AGBL1: variants seen among roughly 807,000 people sequenced by gnomAD.
The protein encoded by AGBL1 is cytosolic carboxypeptidase 4.
Under a neutral mutation model 118.9 loss-of-function variants are expected in AGBL1, and 130 were observed. The observed-to-expected ratio is 1.09, with a 90% CI of 0.95 to 1.26. AGBL1 has a LOEUF of 1.26. AGBL1 is among the 50% of genes most tolerant of loss of function. The pLI, the probability that AGBL1 is intolerant of heterozygous loss-of-function variation, is 0.00. For missense variants in AGBL1, 1,584 were observed against 1,298.1 expected (o/e 1.22, Z -3.38); for synonymous variants, 555 against 478.9 (o/e 1.16, Z -2.08).
In AGBL1 at chr15:86,870,825, C is replaced by A. The variant is rs560457770; in HGVS notation, c.3159-36262C>A. ...ATCATATGTACTGAGATTACTATTT[C>A]ATCAAAGATGATATTGGATCTGATC... On this transcript the variant is annotated intron_variant, in intron 22 of 22. Transcript: ENST00000614907. Among the ~76,000 whole-genome samples the A allele has an allele frequency of 2.7e-4, 41 of 152,254 alleles. No homozygotes were observed. In the South Asian group the frequency reaches 8.3e-3, roughly 31 times the overall value.
intron 1 of AGBL1, among the ~76,000 whole-genome samples, chr15:86,131,904 G>C (rs747417083): frequency 4.0e-5 from 6 of 150,120 alleles, no homozygotes; most frequent in Non-Finnish European, 8.9e-5. Flanking sequence ...GCTTCGGTGA[G>C]TTGTGATCCT....
At position 86,953,948 on chromosome 15, in the gene AGBL1, G is replaced by GA. The variant is rs2080904924; in HGVS notation, c.3222-34037dup. On this transcript the variant is annotated intron_variant, in intron 23 of 24. Coordinates refer to the AGBL1 transcript ENST00000441037. ...TGCTGGATCACTCTGGCTAAAAAAA[G>GA]AAGATGGACAAGCAGCCAACAAACA... 2.6e-5 allele frequency among the ~76,000 whole-genome samples: 4 copies of GA among 152,034 alleles called. No homozygotes were observed. In the South Asian group the frequency reaches 8.3e-4, roughly 32 times the overall value.
chr15:86,316,964 TG>T (rs940362701), intron 17 of AGBL1: 2 of 152,274 alleles, frequency 1.3e-5, no homozygotes, highest in African/African-American at 4.8e-5. Context: ...AAGCTTGAAC[TG>T]GGACTTTCAG....
At chr15:86,103,726 G>A (rs1048120934) in intron 1 of AGBL1, among the ~76,000 whole-genome samples, 2 of 152,202 alleles carry the variant, frequency 1.3e-5, no homozygotes, top group African/African-American at 4.8e-5. Flanking sequence ...CCAATCCTCA[G>A]GCCCCAGTGA....
intron 17 of AGBL1, among the ~76,000 whole-genome samples, chr15:86,392,834 T>C (rs1038721011): frequency 3.3e-5 from 5 of 152,180 alleles, no homozygotes; most frequent in Admixed American, 6.6e-5. Context: ...ATTTTATTAA[T>C]TGCAGAAAAA....
At chr15:86,882,190 G>C (rs1596587375) in intron 22 of AGBL1, among the ~76,000 whole-genome samples, 1 of 152,060 alleles carries the variant, frequency 6.6e-6, no homozygotes, top group East Asian at 1.9e-4. Context: ...TCATGACAAT[G>C]GTTTTTTGAG....
intron 17 of AGBL1, among the ~76,000 whole-genome samples, chr15:86,330,953 C>A (rs900826927): frequency 6.6e-6 from 1 of 152,050 alleles, no homozygotes; most frequent in African/African-American, 2.4e-5. Context: ...AGGGAAGATG[C>A]GGTAGCTCAT....
At chr15:86,080,935 G>GTT (rs769059142) in intron 1 of AGBL1, among the ~76,000 whole-genome samples, 1 of 151,410 alleles carries the variant, frequency 6.6e-6, no homozygotes, top group East Asian at 2.0e-4. Context: ...GGGCTTGTGG[G>GTT]GGCGGGGGGG....
chr15:86,642,758 G>A (rs984704023), intron 21 of AGBL1, among the ~76,000 whole-genome samples: 5 of 151,968 alleles, frequency 3.3e-5, no homozygotes, highest in South Asian at 2.1e-4. Flanking sequence ...ATCTATGTTC[G>A]CAATTTCATT....
intron 8 of AGBL1, among the ~76,000 whole-genome samples, chr15:86,257,371 G>C (rs192311706): frequency 1.4e-4 from 22 of 152,240 alleles, no homozygotes; most frequent in African/African-American, 5.1e-4. Flanking sequence ...TTGCCCTAAG[G>C]ATGAAATTGA....
At chr15:86,896,739 G>T (rs756748235) in intron 22 of AGBL1, among the ~76,000 whole-genome samples, 1 of 151,716 alleles carries the variant, frequency 6.6e-6, no homozygotes, top group Non-Finnish European at 1.5e-5. Flanking sequence ...ATTAGTTATA[G>T]CATCACCTTT....
chr15:86,993,524 G>A (rs535161525), intron 24 of AGBL1, among the ~76,000 whole-genome samples: 7 of 152,282 alleles, frequency 4.6e-5, no homozygotes, highest in East Asian at 1.9e-4. Context: ...TATGGGTGGG[G>A]TAGTCACTGG....
intron 22 of AGBL1, among the ~76,000 whole-genome samples, chr15:86,786,448 A>G (rs2078414263): frequency 6.6e-6 from 1 of 152,196 alleles, no homozygotes; most frequent in Non-Finnish European, 1.5e-5. Flanking sequence ...ATTAATTTTA[A>G]TAAAATATTT....
intron 22 of AGBL1, among the ~76,000 whole-genome samples, chr15:86,763,656 T>C (rs28458458): frequency 0.016 from 2,498 of 152,116 alleles, 69 homozygotes; most frequent in African/African-American, 0.057. Flanking sequence ...CCAAGATTAT[T>C]GTCACTTGTC....
At chr15:86,729,413 T>C (rs534454034) in intron 22 of AGBL1, among the ~76,000 whole-genome samples, 1 of 152,204 alleles carries the variant, frequency 6.6e-6, no homozygotes, top group East Asian at 1.9e-4. Context: ...CAATGGGTAG[T>C]TTTTCAACCT....
intron 18 of AGBL1, among the ~76,000 whole-genome samples, chr15:86,465,953 G>A (rs2082400281): frequency 6.6e-6 from 1 of 152,094 alleles, no homozygotes; most frequent in Non-Finnish European, 1.5e-5. Context: ...TTTGAAAATT[G>A]CTAATAAAAC....
intron 5 of AGBL1, among the ~76,000 whole-genome samples, chr15:86,204,299 C>T: frequency 6.6e-6 from 1 of 152,212 alleles, no homozygotes; most frequent in East Asian, 1.9e-4. Flanking sequence ...TTCCAGCTCA[C>T]TCCTGGTATT....
chr15:86,305,940 C>T (rs1352696171), intron 17 of AGBL1, among the ~76,000 whole-genome samples: 1 of 152,008 alleles, frequency 6.6e-6, no homozygotes, highest in Non-Finnish European at 1.5e-5. Context: ...TCTTCCATGG[C>T]TCAGTCAACA....
At chr15:86,869,508 C>A (rs80267578) in intron 22 of AGBL1, among the ~76,000 whole-genome samples, 116 of 152,218 alleles carry the variant, frequency 7.6e-4, no homozygotes, top group Non-Finnish European at 1.2e-3. Context: ...TGTTCAACTT[C>A]CTTAGAGAAG....
Sources: allele counts gnomAD v4.1 joint callset (sites outside exome capture counted in the v4.1 genomes callset), GRCh38; gene constraint gnomAD v4.1.1; transcripts MANE v1.5; gene names NCBI Gene and HGNC (gene_info 2026-07-23, HGNC 2026-07-21).